PCDHGB3: variants seen among roughly 807,000 people sequenced by gnomAD.
PCDHGB3 encodes protocadherin gamma-B3.
A neutral mutation model predicts 59.2 loss-of-function variants in PCDHGB3; 40 were observed. That is an observed-to-expected ratio of 0.68 (90% CI 0.52 to 0.88). The LOEUF (loss-of-function observed/expected upper bound fraction) is 0.88. PCDHGB3 is among the 40% of genes least tolerant of loss of function. The pLI is 0.00. For synonymous variants in PCDHGB3, 581 were observed against 503.6 expected (o/e 1.15, Z -2.06); for missense variants, 1,309 against 1,187.9 (o/e 1.10, Z -1.50).
Position 141,491,730 on chromosome 5 carries a change from C to G in PCDHGB3, c.2416-3077C>G, listed in dbSNP as rs1346666614. 1 of 1,603,920 alleles carries G rather than the reference C, an allele frequency of 6.2e-7. No homozygotes were observed. Among genetic ancestry groups the G allele is most frequent in the Non-Finnish European group, 8.5e-7 (1 of 1,175,836 alleles). ...GGGGCTCGGCGCCGCCCCGGGCGAC[C>G]CCTGGGGGCGGCACTGGAGAAGCCG... On this transcript the variant is annotated intron_variant, in intron 1 of 3. Coordinates refer to ENST00000576222, the MANE Select transcript of PCDHGB3 (RefSeq NM_018924.5). The surrounding 1 kb of genome is among the most constrained non-coding windows in gnomAD (Gnocchi z 6.9).
intron 1 of PCDHGB3, chr5:141,394,458 A>C (rs776488659): frequency 6.2e-7 from 1 of 1,614,100 alleles, no homozygotes; most frequent in Non-Finnish European, 8.5e-7. Context: ...CATGTCACTG[A>C]GCCTGTTCGT....
intron 1 of PCDHGB3, chr5:141,376,734 C>T (rs1773305109): frequency 5.7e-6 from 3 of 526,518 alleles, no homozygotes; most frequent in South Asian, 4.6e-5. Context: ...GGCCGGACTG[C>T]GGACTGCAGT....
At chr5:141,496,412 T>C (rs1322376676) in intron 2 of PCDHGB3, among the ~76,000 whole-genome samples, 1 of 152,180 alleles carries the variant, frequency 6.6e-6, no homozygotes, top group African/African-American at 2.4e-5. Context: ...GGTTGAGTAC[T>C]TGCTGTCCAC....
chr5:141,414,592 G>T, intron 1 of PCDHGB3: 1 of 1,613,920 alleles, frequency 6.2e-7, no homozygotes, highest in Non-Finnish European at 8.5e-7. Flanking sequence ...CGCCAGGGGT[G>T]CCTCCATCTT....
At chr5:141,495,071 C>A (rs1391869079) in intron 2 of PCDHGB3, among the ~76,000 whole-genome samples, 1 of 152,160 alleles carries the variant, frequency 6.6e-6, no homozygotes, top group Non-Finnish European at 1.5e-5. Flanking sequence ...AAGCTCAATT[C>A]ACATGCTTGC....
chr5:141,423,405 G>T (rs1444037259), intron 1 of PCDHGB3: 1 of 1,614,154 alleles, frequency 6.2e-7, no homozygotes, highest in African/African-American at 1.3e-5. Context: ...CACGCCTGCT[G>T]CAGGCTTCTG....
At position 141,372,384 on chromosome 5, in the gene PCDHGB3, T is replaced by G; in HGVS notation, c.1990T>G (p.Phe664Val). 1 of 1,613,990 alleles carries G rather than the reference T, an allele frequency of 6.2e-7. No individual in the cohort carries two copies. Among genetic ancestry groups the G allele is most frequent in the Non-Finnish European group, 8.5e-7 (1 of 1,179,894 alleles). ...AGCCACCGTCATGCTGCACCTAATC[T>G]TCGCAGATAGCTTGCAAGAGATACA... ...LSATVMLHLI[F>V]ADSLQEIQPD... The change falls in exon 1 of 4, where the codon TTC (phenylalanine) becomes GTC (valine). Residue 664 changes from phenylalanine to valine, a missense_variant. Physicochemically the swap from Phe to Val is conservative, Grantham distance 50. Coordinates refer to ENST00000576222, the MANE Select transcript of PCDHGB3 (RefSeq NM_018924.5).
chr5:141,427,955 G>A (rs749241312), intron 1 of PCDHGB3: 1 of 1,587,202 alleles, frequency 6.3e-7, no homozygotes, highest in Non-Finnish European at 8.6e-7. Context: ...ATGACAATGT[G>A]CCGCGGGTGC....
intron 1 of PCDHGB3, chr5:141,398,411 T>C (rs1346480691): frequency 6.8e-7 from 1 of 1,478,640 alleles, no homozygotes; most frequent in South Asian, 1.1e-5. Context: ...AGGGAGGAGA[T>C]ATGCGGGAAG....
At chr5:141,413,740 C>A in intron 1 of PCDHGB3, 2 of 1,613,402 alleles carry the variant, frequency 1.2e-6, no homozygotes, top group Non-Finnish European at 1.7e-6. Flanking sequence ...AGTTCAGAGC[C>A]GTGCCAATGG....
At chr5:141,405,206 A>G in intron 1 of PCDHGB3, 1 of 1,613,648 alleles carries the variant, frequency 6.2e-7, no homozygotes, top group Non-Finnish European at 8.5e-7. Flanking sequence ...TTTCCTACAG[A>G]CCTATTCTCA....
intron 1 of PCDHGB3, chr5:141,478,344 A>G: frequency 6.2e-7 from 1 of 1,613,882 alleles, no homozygotes; most frequent in Non-Finnish European, 8.5e-7. Context: ...CCCTCCTTGC[A>G]CGCGGACGCC....
intron 1 of PCDHGB3, chr5:141,410,277 T>A (rs1461250700): frequency 1.9e-6 from 3 of 1,613,896 alleles, no homozygotes; most frequent in Non-Finnish European, 2.5e-6. Context: ...CAGTTTTACC[T>A]GGTGGTGGCC....
chr5:141,418,576 C>T, intron 1 of PCDHGB3: 2 of 1,614,012 alleles, frequency 1.2e-6, no homozygotes, highest in South Asian at 1.1e-5. Flanking sequence ...ATGACAACCC[C>T]CCAGTGTTCA....
chr5:141,491,361 C>T lies in PCDHGB3; in HGVS notation c.2416-3446C>T. 1 of 1,614,132 alleles carries T rather than the reference C, an allele frequency of 6.2e-7. No homozygotes were observed. The highest frequency in any genetic ancestry group is 8.5e-7 in the Non-Finnish European group (1 of 1,179,982). ...CGACCGTCAGTCTCTTATCCCTAGT[C>T]ACCTTCACCTTTCTGTCAGCGAAGT... On this transcript the variant is annotated intron_variant, in intron 1 of 3. Transcript: ENST00000576222. The surrounding 1 kb of genome is among the most constrained non-coding windows in gnomAD (Gnocchi z 6.9).
chr5:141,501,441 A>G (rs547792017), intron 2 of PCDHGB3, among the ~76,000 whole-genome samples: 1 of 151,898 alleles, frequency 6.6e-6, no homozygotes, highest in African/African-American at 2.4e-5. Context: ...CATTTCTTCC[A>G]TTTTTACTTT....
chr5:141,460,414 T>G (rs1289935272), intron 1 of PCDHGB3, among the ~76,000 whole-genome samples: 1 of 152,216 alleles, frequency 6.6e-6, no homozygotes, highest in Non-Finnish European at 1.5e-5. Context: ...GAGTTGATGT[T>G]TATGTATGGT....
At chr5:141,473,944 CTGTA>C (rs2099333270) in intron 1 of PCDHGB3, among the ~76,000 whole-genome samples, 2 of 152,156 alleles carry the variant, frequency 1.3e-5, no homozygotes, top group Non-Finnish European at 2.9e-5. Context: ...TAGCTCAGGC[CTGTA>C]GTCCCATCTA....
intron 1 of PCDHGB3, chr5:141,417,508 TATTTTGGCTGTCAACTCGTAG>T: frequency 4.2e-6 from 1 of 237,898 alleles, no homozygotes; most frequent in East Asian, 9.1e-5. Flanking sequence ...AAGATTAAAA[TATTTTGGCTGTCAACTCGTAG>T]TTTAAAAAAA....
Sources: allele counts gnomAD v4.1 joint callset (sites outside exome capture counted in the v4.1 genomes callset), GRCh38; gene constraint gnomAD v4.1.1; non-coding constraint Gnocchi (gnomAD v3.1); transcripts MANE v1.5; gene names NCBI Gene and HGNC (gene_info 2026-07-23, HGNC 2026-07-21).